RASL12: variants seen among roughly 807,000 people sequenced by gnomAD.
The protein encoded by RASL12 is ras-like protein family member 12.
A neutral mutation model predicts 22.9 loss-of-function variants in RASL12; 16 were observed. That is an observed-to-expected ratio of 0.70 (90% CI 0.47 to 1.06). The LOEUF is 1.06. Among genes scored for constraint, RASL12 ranks in the 50% least tolerant of loss-of-function variants. The pLI is 0.00. For synonymous variants in RASL12, 159 were observed against 152.2 expected (o/e 1.04, Z -0.33); for missense variants, 306 against 353.1 (o/e 0.87, Z 1.07).
Position 65,058,427 on chromosome 15 carries a change from C to A in RASL12, c.425G>T (p.Arg142Met). The stretch of plus-strand genomic sequence containing the variant: ...TAACGGCCAAGCAGGCTGTGCTCAC[C>A]TGTACTGAGCCATGTCCAGCTTGTT... ...LGNKLDMAQYRQVTKAEGVAL... is the reference protein window; with the variant it reads ...LGNKLDMAQYMQVTKAEGVAL... Residue 142 changes from arginine (R) to methionine (M), a missense_variant and splice_region_variant, in exon 4 of 5, where the codon AGG becomes ATG. Transcript: ENST00000220062. 1.3e-6 allele frequency: 2 copies of A among 1,532,872 alleles called. No individual in the cohort carries two copies. Among genetic ancestry groups the A allele is most frequent in the Non-Finnish European group, 8.8e-7 (1 of 1,131,020 alleles). The allele number at this position is 1,532,872 out of a possible 1,614,324, so 95.0% of individuals were successfully genotyped here.
At chr15:65,051,953 C>T (rs1023202706), downstream of RASL12, among the ~76,000 whole-genome samples, 3 of 152,134 alleles carry the variant, frequency 2.0e-5, no homozygotes, top group South Asian at 2.1e-4. Context: ...TCCATGGGTA[C>T]AGCAGACCTG....
upstream of RASL12, chr15:65,068,087 G>A (rs1278617419): frequency 2.8e-6 from 3 of 1,059,602 alleles, no homozygotes; most frequent in African/African-American, 3.4e-5. This position sits in a 1 kb window ranked among gnomAD's most constrained non-coding sequence, Gnocchi z 4.2. Flanking sequence ...GCCCCCCGCG[G>A]GGCGCGCTCA....
chr15:65,062,122 G>C (rs1390529494), intron 2 of RASL12, among the ~76,000 whole-genome samples: 2 of 151,776 alleles, frequency 1.3e-5, no homozygotes, highest in Non-Finnish European at 2.9e-5. Flanking sequence ...AGGAGAGCAA[G>C]AGGAGTGAGA....
At chr15:65,069,781 G>C (rs1050358689), upstream of RASL12, among the ~76,000 whole-genome samples, 5 of 152,216 alleles carry the variant, frequency 3.3e-5, no homozygotes, top group African/African-American at 1.2e-4. Flanking sequence ...GAGAAGAGAC[G>C]CCTTCATGAC....
chr15:65,055,519 A>G lies in RASL12; in HGVS notation c.426-245T>C, dbSNP rs74396176. 7.3e-3 allele frequency among the ~76,000 whole-genome samples: 1,118 copies of G among 152,314 alleles called. 5 individuals are homozygous for G. Among genetic ancestry groups the G allele is most frequent in the Non-Finnish European group, 0.013 (888 of 68,018 alleles). ...GTACCTGGCACAGAGTCAGTGCTCAATAAATGGTAGCTGATGTCACCCAGG... is the reference window on the plus strand; with the variant it reads ...GTACCTGGCACAGAGTCAGTGCTCAGTAAATGGTAGCTGATGTCACCCAGG... On this transcript the variant is annotated intron_variant, in intron 4 of 4. Coordinates refer to ENST00000220062, the MANE Select transcript of RASL12 (RefSeq NM_016563.4).
rs2086694980 is a variant in RASL12, at chr15:65,054,091, G to A, written c.*808C>T. ...GCTGCTGTGGGCTCCCTGGAGCCCT[G>A]GGTAACTCACTGGAGTGACAACTTT... On this transcript the variant is annotated 3_prime_UTR_variant, in exon 5 of 5. Transcript: ENST00000220062. 3 of 985,918 alleles carry A rather than the reference G, an allele frequency of 3.0e-6. No homozygotes were observed. Among genetic ancestry groups the A allele is most frequent in the Non-Finnish European group, 3.6e-6 (3 of 830,000 alleles). The allele number at this position is 985,918 out of a possible 1,614,324, so 61.1% of individuals were successfully genotyped here.
At chr15:65,075,083 A>G (rs576503881) in intron 1 of RASL12, among the ~76,000 whole-genome samples, 5 of 152,330 alleles carry the variant, frequency 3.3e-5, no homozygotes, top group Admixed American at 3.3e-4. Flanking sequence ...CTGGAGTTCC[A>G]GGTGGGCGTG....
the RASL12 span, among the ~76,000 whole-genome samples, chr15:65,047,822 T>C: frequency 6.6e-6 from 1 of 151,730 alleles, no homozygotes; most frequent in Non-Finnish European, 1.5e-5. Context: ...GATAGATAGA[T>C]AGATAGATAG....
the RASL12 span, among the ~76,000 whole-genome samples, chr15:65,046,265 C>T: frequency 2.0e-5 from 3 of 152,236 alleles, no homozygotes; most frequent in Non-Finnish European, 4.4e-5. Context: ...GGTGCCACTA[C>T]ACTCCAGCCT....
At chr15:65,065,536 G>A (rs190460018) in intron 1 of RASL12, among the ~76,000 whole-genome samples, 36 of 152,260 alleles carry the variant, frequency 2.4e-4, no homozygotes, top group Admixed American at 1.6e-3. Context: ...AGCCTAAGGG[G>A]TGTTTGGAAG....
chr15:65,064,777 AGAGACG>A (rs761096372), intron 2 of RASL12, among the ~76,000 whole-genome samples: 5 of 151,952 alleles, frequency 3.3e-5, no homozygotes, highest in Middle Eastern at 3.2e-3. Flanking sequence ...TTGTATTTTT[AGAGACG>A]GAGTTTCACC....
At position 65,054,436 on chromosome 15, in the gene RASL12, C is replaced by T. The variant is rs1251137364; in HGVS notation, c.*463G>A. 1.2e-5 allele frequency: 12 copies of T among 991,070 alleles called. No individual in the cohort carries two copies. The South Asian group carries it at 1.9e-4, about 15-fold the overall frequency. 61.4% of individuals were successfully genotyped at this position (991,070 alleles called of 1,614,324 possible). ...AGGCTCTGGCCTCTGAAACTGCAGCCGCCCTGCCTTTCCCGTCCACCAGGT... is the reference window on the plus strand; with the variant it reads ...AGGCTCTGGCCTCTGAAACTGCAGCTGCCCTGCCTTTCCCGTCCACCAGGT... On this transcript the variant is annotated 3_prime_UTR_variant, in exon 5 of 5. Transcript: ENST00000220062.
chr15:65,062,416 C>T (rs1425253509), intron 2 of RASL12, among the ~76,000 whole-genome samples: 1 of 152,222 alleles, frequency 6.6e-6, no homozygotes, highest in Non-Finnish European at 1.5e-5. Context: ...TCCAGGCCCT[C>T]TATGACATGA....
chr15:65,076,632 C>G (rs1412699277), exon 1 of RASL12: 1 of 703,822 alleles, frequency 1.4e-6, no homozygotes, highest in Non-Finnish European at 2.6e-6. Flanking sequence ...ACACAGGTCT[C>G]CAGATGCCCT....
downstream of RASL12, chr15:65,052,867 T>C (rs562528506): frequency 1.1e-5 from 12 of 1,082,580 alleles, no homozygotes; most frequent in East Asian, 2.4e-5. Context: ...CCAAACTGCA[T>C]AGAGAATTTT....
the RASL12 span, among the ~76,000 whole-genome samples, chr15:65,046,470 CA>C: frequency 6.6e-6 from 1 of 151,070 alleles, no homozygotes; most frequent in Non-Finnish European, 1.5e-5. Context: ...AACTCTGTCT[CA>C]AAAAAAAGAA....
At chr15:65,075,821 G>A (rs892832561) in intron 1 of RASL12, among the ~76,000 whole-genome samples, 1 of 151,796 alleles carries the variant, frequency 6.6e-6, no homozygotes, top group Non-Finnish European at 1.5e-5. Flanking sequence ...CTCTGGTGGG[G>A]CCTTGGAAAA....
intron 2 of RASL12, among the ~76,000 whole-genome samples, chr15:65,064,593 G>A (rs1436295738): frequency 6.6e-6 from 1 of 150,520 alleles, no homozygotes; most frequent in African/African-American, 2.5e-5. Flanking sequence ...ATACCTATTT[G>A]TTTTTGAGTT....
At chr15:65,060,887 G>C (rs936822236) in intron 2 of RASL12, among the ~76,000 whole-genome samples, 1 of 152,210 alleles carries the variant, frequency 6.6e-6, no homozygotes, top group East Asian at 1.9e-4. Context: ...CTTGTCCCCA[G>C]CCTGCTTTGG....
Sources: gnomAD v4.1 joint callset for allele counts (sites outside exome capture counted in the v4.1 genomes callset) on GRCh38, gnomAD v4.1.1 for gene constraint, Gnocchi (gnomAD v3.1) non-coding constraint, MANE v1.5 for transcripts, NCBI Gene and HGNC (gene_info 2026-07-23, HGNC 2026-07-21) for gene names.